P2RX5: variants seen among roughly 807,000 people sequenced by gnomAD.
The protein encoded by P2RX5 is P2X purinoceptor 5.
In P2RX5, 46 loss-of-function variants were observed where a neutral mutation model predicts 54.1. That is an observed-to-expected ratio of 0.85 (90% CI 0.67 to 1.09). P2RX5 has a LOEUF of 1.09. P2RX5 is among the 50% of genes least tolerant of loss of function. The pLI is 0.00. For missense variants in P2RX5, 566 were observed against 549.8 expected (o/e 1.03, Z -0.29); for synonymous variants, 226 against 226.4 (o/e 1.00, Z 0.02).
intron 10 of P2RX5, among the ~76,000 whole-genome samples, chr17:3,680,454 AGTCCTCCACCCAGT>A (rs1279400200): frequency 1.7e-4 from 3 of 17,258 alleles, no homozygotes; most frequent in East Asian, 1.8e-3. Flanking sequence ...CTCCACCCTG[AGTCCTCCACCCAGT>A]GTCCTCCACC....
chr17:3,723,702 A>G, the P2RX5 span: 1 of 1,601,932 alleles, frequency 6.2e-7, no homozygotes, highest in African/African-American at 1.3e-5. Context: ...ACCGAACTGT[A>G]CGCACAAGCG....
Position 3,696,028 on chromosome 17 carries a change from C to G in P2RX5, c.-23G>C. The G allele has an allele frequency of 1.2e-6, 2 of 1,611,900 alleles. No individual in the cohort carries two copies. The highest frequency in any genetic ancestry group is 2.2e-5 in the East Asian group (1 of 44,810). On this transcript the variant is annotated 5_prime_UTR_variant, in exon 1 of 12. Coordinates refer to ENST00000225328, the MANE Select transcript of P2RX5 (RefSeq NM_002561.4). ...CATGGCGCGCTCTCAGCCGGGCTTG[C>G]GGACCGCCCGGCCCACGTGCGCTCA...
At chr17:3,676,636 G>A (rs1245812195) in intron 11 of P2RX5, 1 of 982,758 alleles carries the variant, frequency 1.0e-6, no homozygotes, top group Non-Finnish European at 1.2e-6. Context: ...TGAGAACCAG[G>A]GCTTCTTAAA....
At chr17:3,712,627 A>G in the P2RX5 span, among the ~76,000 whole-genome samples, 37 of 152,232 alleles carry the variant, frequency 2.4e-4, no homozygotes, top group African/African-American at 8.0e-4. Context: ...GAAAAATCCC[A>G]AAGAATCAAC....
chr17:3,681,524 C>A (rs139574791), intron 10 of P2RX5, among the ~76,000 whole-genome samples: 116 of 152,304 alleles, frequency 7.6e-4, no homozygotes, highest in African/African-American at 2.5e-3. Context: ...CCCTCAGCCC[C>A]GGCGCACCAG....
At chr17:3,701,696 G>GAAAAAA in the P2RX5 span, among the ~76,000 whole-genome samples, 8 of 73,320 alleles carry the variant, frequency 1.1e-4, no homozygotes, top group African/African-American at 3.5e-4. Context: ...CTCTGTCTCA[G>GAAAAAA]AAAAAAAAAA....
rs540073200 is a variant in P2RX5 at position 3,690,708 on chromosome 17, G to C, written c.361-28C>G. On this transcript the variant is annotated intron_variant, in intron 3 of 11. Transcript: ENST00000225328. ...GCCAGGAGAGAAGGGGCACCTGGAT[G>C]GGGGGGTTCCCCCAGCTCAGAGCCG... 6 of 1,603,300 alleles carry C rather than the reference G, an allele frequency of 3.7e-6. No homozygotes were observed. The South Asian group carries it at 5.5e-5, about 15-fold the overall frequency.
At chr17:3,720,419 G>A in the P2RX5 span, 12 of 1,110,542 alleles carry the variant, frequency 1.1e-5, no homozygotes, top group South Asian at 1.5e-4. Flanking sequence ...GATGGGGAAA[G>A]GAATGAGGGA....
intron 11 of P2RX5, among the ~76,000 whole-genome samples, chr17:3,678,543 G>A (rs2050155491): frequency 6.6e-6 from 1 of 152,162 alleles, no homozygotes; most frequent in Non-Finnish European, 1.5e-5. Flanking sequence ...TACCCCATAC[G>A]GACCCCTAGC....
Position 3,691,761 on chromosome 17 carries a change from G to A in P2RX5, c.171C>T (p.Asp57=), listed in dbSNP as rs557505071. The change falls in exon 2 of 12, where the codon GAC becomes GAT. Residue 57 remains aspartate, a synonymous_variant. Coordinates refer to ENST00000225328, the MANE Select transcript of P2RX5 (RefSeq NM_002561.4). ...WVFLIKKGYQ[D]VDTSLQSAVI... ...CAGCACTCTGCAGGGAGGTGTCGAC[G>A]TCTTGGTAACCCTTCTTTATCAGGA... 20 of 1,614,210 alleles carry A rather than the reference G, an allele frequency of 1.2e-5. No homozygotes were observed. The highest frequency in any genetic ancestry group is 1.1e-4 in the African/African-American group (8 of 75,060).
chr17:3,691,004 G>T lies in P2RX5; in HGVS notation c.312C>A (p.Val104=), dbSNP rs774253350. ...GGTTGGGGGTCACAATCAGGTTGGTGACCACAAAAAAGACGTTCTCTCCCT... is the reference window on the plus strand; with the variant it reads ...GGTTGGGGGTCACAATCAGGTTGGTTACCACAAAAAAGACGTTCTCTCCCT... ...PAQGENVFFV[V]TNLIVTPNQR... Residue 104 remains valine, a synonymous_variant, in exon 3 of 12, where the codon GTC becomes GTA. Transcript: ENST00000225328. The T allele has an allele frequency of 6.2e-7, 1 of 1,612,936 alleles. No individual in the cohort carries two copies. Among genetic ancestry groups the T allele is most frequent in the South Asian group, 1.1e-5 (1 of 90,926 alleles).
At chr17:3,691,445 G>A (rs1423705948) in intron 2 of P2RX5, among the ~76,000 whole-genome samples, 199 bp downstream of exon 2, 4 of 152,338 alleles carry the variant, frequency 2.6e-5, no homozygotes, top group Non-Finnish European at 2.9e-5. Context: ...AGTCACCCGC[G>A]GCACAGTCAA....
intron 7 of P2RX5, 37 bp downstream of exon 7, chr17:3,689,455 G>T: frequency 1.2e-6 from 2 of 1,611,770 alleles, no homozygotes; most frequent in Non-Finnish European, 8.5e-7. Flanking sequence ...GTGCCCCCAG[G>T]CCCTCAGGGA....
At chr17:3,677,428 C>G (rs979939772) in intron 11 of P2RX5, 1 of 985,300 alleles carries the variant, frequency 1.0e-6, no homozygotes, top group African/African-American at 1.7e-5. Context: ...CTGGCTTCCC[C>G]ACTAAGAGCC....
the P2RX5 span, chr17:3,714,820 A>C: frequency 7.3e-7 from 1 of 1,379,016 alleles, no homozygotes; most frequent in South Asian, 1.2e-5. Context: ...GGACTGGCTG[A>C]TAGCCTCTCC....
At chr17:3,704,562 G>A in the P2RX5 span, among the ~76,000 whole-genome samples, 38 of 152,322 alleles carry the variant, frequency 2.5e-4, no homozygotes, top group African/African-American at 8.7e-4. Context: ...AGGCACTTCC[G>A]TGCCCATCAG....
At chr17:3,712,005 A>G in the P2RX5 span, among the ~76,000 whole-genome samples, 1 of 87,874 alleles carries the variant, frequency 1.1e-5, no homozygotes, top group Non-Finnish European at 2.4e-5. Context: ...CAGTAAGTCA[A>G]TAACAAACAG....
At chr17:3,705,978 CAG>C in the P2RX5 span, among the ~76,000 whole-genome samples, 3 of 150,384 alleles carry the variant, frequency 2.0e-5, no homozygotes, top group Non-Finnish European at 3.0e-5. Flanking sequence ...TTTTTTAAGA[CAG>C]AGTCTCACTC....
intron 1 of P2RX5, among the ~76,000 whole-genome samples, chr17:3,694,673 G>A (rs1419019647): frequency 1.3e-5 from 2 of 152,168 alleles, no homozygotes; most frequent in Admixed American, 6.5e-5. Flanking sequence ...CCAGGACTGC[G>A]AGAATTAAAT....
Sources: gnomAD v4.1 joint callset for allele counts (sites outside exome capture counted in the v4.1 genomes callset) on GRCh38, gnomAD v4.1.1 for gene constraint, MANE v1.5 for transcripts, NCBI Gene and HGNC (gene_info 2026-07-23, HGNC 2026-07-21) for gene names.